The following CDH4 variants were observed in gnomAD, a reference collection of about 807,000 sequenced individuals.
The protein encoded by CDH4 is cadherin 4.
In CDH4, 33 loss-of-function variants were observed where a neutral mutation model predicts 86.0. The ratio of observed to expected loss-of-function variants is 0.38; its 90% CI spans 0.29 to 0.51. The LOEUF is 0.51. Ranked by LOEUF, CDH4 falls within the 20% of genes least tolerant of loss-of-function variation. The pLI is 0.86. For missense variants in CDH4, 1,114 were observed against 1,307.4 expected (o/e 0.85, Z 2.28); for synonymous variants, 555 against 549.4 (o/e 1.01, Z -0.14).
rs779271374 is a variant in CDH4, at chr20:61,452,060, G to A, written c.169+197123G>A. Among the ~76,000 whole-genome samples the A allele has an allele frequency of 5.3e-5, 8 of 152,282 alleles. No individual in the cohort carries two copies. The South Asian group carries it at 8.3e-4, about 16-fold the overall frequency. ...CCCTTCCTGAGAACCTGGAGCATTC[G>A]CGCTTTTCCTTTCATTTGTGGATTG... On this transcript the variant is annotated intron_variant, in intron 2 of 15. Coordinates refer to ENST00000614565, the MANE Select transcript of CDH4 (RefSeq NM_001794.5).
At chr20:61,575,597 C>T (rs2086377439) in intron 2 of CDH4, among the ~76,000 whole-genome samples, 2 of 152,240 alleles carry the variant, frequency 1.3e-5, no homozygotes, top group African/African-American at 2.4e-5. Flanking sequence ...CAACCTGGCA[C>T]ACACGCCATA....
intron 2 of CDH4, among the ~76,000 whole-genome samples, chr20:61,467,363 G>T (rs564845095): frequency 6.6e-6 from 1 of 152,342 alleles, no homozygotes; most frequent in South Asian, 2.1e-4. Context: ...TTTTTGAAAT[G>T]TTCTGTAGAA....
At chr20:61,755,855 G>A (rs148021018) in intron 3 of CDH4, among the ~76,000 whole-genome samples, 15 of 152,282 alleles carry the variant, frequency 9.9e-5, no homozygotes, top group African/African-American at 3.1e-4. Flanking sequence ...TGAAACACAT[G>A]CGCAGGTGTT....
intron 2 of CDH4, among the ~76,000 whole-genome samples, chr20:61,595,088 G>A (rs1184365106): frequency 3.1e-4 from 47 of 152,208 alleles, no homozygotes; most frequent in Admixed American, 3.1e-3. Flanking sequence ...GTCAGGTCAC[G>A]CAGCCTGTGG....
In CDH4 at chr20:61,670,958, C is replaced by G. The variant is rs555133721; in HGVS notation, c.170-72605C>G. Among the ~76,000 whole-genome samples, 17 of 152,348 alleles carry G rather than the reference C, an allele frequency of 1.1e-4. No homozygotes were observed. In the South Asian group the frequency reaches 3.5e-3, roughly 32 times the overall value. ...GGAAAACAGACTCAGCCCTAAAAAA[C>G]CTGTGAGTGTCCAGGTATAAACTCT... On this transcript the variant is annotated intron_variant, in intron 2 of 15. Coordinates refer to ENST00000614565, the MANE Select transcript of CDH4 (RefSeq NM_001794.5).
rs1386833080 is a variant in CDH4, at chr20:61,704,799, TAGC to T, written c.170-38759_170-38757del. Among the ~76,000 whole-genome samples, 5 of 152,274 alleles carry T rather than the reference TAGC, an allele frequency of 3.3e-5. No homozygotes were observed. The South Asian group carries it at 6.2e-4, about 19-fold the overall frequency. ...CGCCGCTCTGGGCACCACAGGCATT[TAGC>T]AGCATCTCTGGCATCCACTCAGGAG... On this transcript the variant is annotated intron_variant, in intron 2 of 15. Coordinates refer to ENST00000614565, the MANE Select transcript of CDH4 (RefSeq NM_001794.5).
intron 2 of CDH4, among the ~76,000 whole-genome samples, chr20:61,349,975 G>T (rs1172429503): frequency 6.6e-6 from 1 of 152,158 alleles, no homozygotes; most frequent in African/African-American, 2.4e-5. Flanking sequence ...CTCTCCTCCT[G>T]CCCCTGCCCA....
chr20:61,304,445 G>A (rs551562638), intron 2 of CDH4, among the ~76,000 whole-genome samples: 2 of 152,062 alleles, frequency 1.3e-5, no homozygotes, highest in Non-Finnish European at 1.5e-5. Flanking sequence ...TTCTCTAAAC[G>A]ATGAGCCCCT....
intron 6 of CDH4, among the ~76,000 whole-genome samples, chr20:61,857,895 G>A (rs1326928505): frequency 6.6e-6 from 1 of 151,990 alleles, no homozygotes; most frequent in Non-Finnish European, 1.5e-5. Context: ...GTGTGTGTGT[G>A]TGTCTCTGTG....
At chr20:61,769,975 C>T (rs998143965) in intron 3 of CDH4, among the ~76,000 whole-genome samples, 3 of 152,184 alleles carry the variant, frequency 2.0e-5, no homozygotes, top group African/African-American at 4.8e-5. Context: ...GTGGAAGGGC[C>T]AGATGCAGAG....
rs908951099 is a variant in CDH4 at position 61,353,092 on chromosome 20, C to T, written c.169+98155C>T. Reference sequence around the variant, plus strand: ...CCCGCCACAGGGGCTCTCGCCTGCCCGACTCTGTCCTGCTTCTTCTGCTCC... The same window carrying T: ...CCCGCCACAGGGGCTCTCGCCTGCCTGACTCTGTCCTGCTTCTTCTGCTCC... On this transcript the variant is annotated intron_variant, in intron 2 of 15. Coordinates refer to ENST00000614565, the MANE Select transcript of CDH4 (RefSeq NM_001794.5). Among the ~76,000 whole-genome samples, 12 of 152,166 alleles carry T rather than the reference C, an allele frequency of 7.9e-5. No homozygotes were observed. In the East Asian group the frequency reaches 1.2e-3, roughly 15 times the overall value.
chr20:61,858,559 A>G (rs1004264443), intron 6 of CDH4, among the ~76,000 whole-genome samples: 4 of 151,036 alleles, frequency 2.6e-5, no homozygotes, highest in African/African-American at 9.8e-5. Flanking sequence ...CTGTGTCTGC[A>G]TGTGTGTCTG....
rs1467285890 is a variant in CDH4 at position 61,545,884 on chromosome 20, G to A, written c.170-197679G>A. ...TGTGTGTAGAGGGTATGTGGGATACGGTATGTGTTCGTATGTGTGTGTGTG... is the reference window on the plus strand; with the variant it reads ...TGTGTGTAGAGGGTATGTGGGATACAGTATGTGTTCGTATGTGTGTGTGTG... On this transcript the variant is annotated intron_variant, in intron 2 of 15. Coordinates refer to ENST00000614565, the MANE Select transcript of CDH4 (RefSeq NM_001794.5). Among the ~76,000 whole-genome samples the A allele has an allele frequency of 2.2e-4, 29 of 132,882 alleles. No homozygotes were observed. The East Asian group carries it at 6.1e-3, about 28-fold the overall frequency. 87.2% of individuals were successfully genotyped at this position (132,882 alleles called of 152,430 possible). A position where few individuals can be genotyped will look rare whatever the true frequency, so the allele number is the denominator to read the frequency against.
intron 3 of CDH4, among the ~76,000 whole-genome samples, chr20:61,751,561 G>A (rs899851156): frequency 5.3e-5 from 8 of 151,872 alleles, no homozygotes; most frequent in African/African-American, 1.5e-4. Flanking sequence ...GGGTGCAGAC[G>A]CTTGATTTTT....
intron 2 of CDH4, among the ~76,000 whole-genome samples, chr20:61,723,227 A>G (rs8124924): frequency 0.2 from 30,236 of 152,174 alleles, 6,168 homozygotes; most frequent in African/African-American, 0.52. Context: ...CCTGGAGGGA[A>G]GTGGACCCTT....
chr20:61,654,001 C>T (rs2087158914), intron 2 of CDH4, among the ~76,000 whole-genome samples: 1 of 151,964 alleles, frequency 6.6e-6, no homozygotes, highest in African/African-American at 2.4e-5. Flanking sequence ...GGCAGAGACG[C>T]TCCTCACTTC....
At chr20:61,752,532 C>T (rs1466824490) in intron 3 of CDH4, among the ~76,000 whole-genome samples, 4 of 152,110 alleles carry the variant, frequency 2.6e-5, no homozygotes, top group South Asian at 2.1e-4. Flanking sequence ...GGTGTATGCC[C>T]ATAGCAGTAT....
At chr20:61,586,393 A>T (rs1314613944) in intron 2 of CDH4, among the ~76,000 whole-genome samples, 2 of 152,066 alleles carry the variant, frequency 1.3e-5, no homozygotes, top group Admixed American at 1.3e-4. Context: ...ACTTCATTTG[A>T]TCCTCCATTT....
chr20:61,867,507 G>A (rs1287144711), intron 6 of CDH4, among the ~76,000 whole-genome samples: 1 of 150,218 alleles, frequency 6.7e-6, no homozygotes, highest in Non-Finnish European at 1.5e-5. Flanking sequence ...CAAAGATCAT[G>A]CCACTGCCCT....
Sources: allele counts gnomAD v4.1 joint callset (sites outside exome capture counted in the v4.1 genomes callset), GRCh38; gene constraint gnomAD v4.1.1; transcripts MANE v1.5; gene names NCBI Gene and HGNC (gene_info 2026-07-23, HGNC 2026-07-21).